Variants in CDC14A observed in about 807,000 individuals in gnomAD.
CDC14A encodes dual specificity protein phosphatase CDC14A.
A neutral mutation model predicts 74.4 loss-of-function variants in CDC14A; 53 were observed. That is an observed-to-expected ratio of 0.71 (90% confidence interval 0.57 to 0.89). The LOEUF is 0.89. CDC14A is among the 40% of genes least tolerant of loss of function. CDC14A has a pLI of 0.00. For missense variants in CDC14A, 646 were observed against 713.7 expected (o/e 0.91, Z 1.08); for synonymous variants, 247 against 258.4 (o/e 0.96, Z 0.43).
At chr1:100,389,042 G>A (rs777712336) in intron 3 of CDC14A, among the ~76,000 whole-genome samples, 5 of 151,840 alleles carry the variant, frequency 3.3e-5, no homozygotes, top group Non-Finnish European at 7.4e-5. Flanking sequence ...AGGCATGGTG[G>A]CATGTGCCTG....
At chr1:100,427,575 C>T (rs1340237563) in intron 5 of CDC14A, among the ~76,000 whole-genome samples, 2 of 152,168 alleles carry the variant, frequency 1.3e-5, no homozygotes, top group African/African-American at 4.8e-5. Context: ...TACAAGGCTA[C>T]ATACAACGTT....
intron 10 of CDC14A, among the ~76,000 whole-genome samples, chr1:100,481,998 G>A (rs893655624): frequency 6.6e-6 from 1 of 152,166 alleles, no homozygotes; most frequent in Admixed American, 6.5e-5. Flanking sequence ...AAGCACTTGC[G>A]TACAGCATTG....
rs1036404994 is a variant in CDC14A at position 100,474,425 on chromosome 1, G to C, written c.977+6331G>C. Among the ~76,000 whole-genome samples, 3 of 151,990 alleles carry C rather than the reference G, an allele frequency of 2.0e-5. No homozygotes were observed. In the East Asian group the frequency reaches 5.8e-4, roughly 29 times the overall value. On this transcript the variant is annotated intron_variant, in intron 10 of 15. Transcript: ENST00000336454. ...GCTGGTGTGAATTCTTAAAATGCTT[G>C]GTAGAATTCTCCAGTGAAATTATCT... is the stretch of plus-strand genomic sequence containing the variant.
intron 11 of CDC14A, among the ~76,000 whole-genome samples, chr1:100,488,857 A>G (rs1348930928): frequency 6.6e-6 from 1 of 152,216 alleles, no homozygotes; most frequent in African/African-American, 2.4e-5. Context: ...TCTTTCCCCC[A>G]TTATGACAGT....
intron 11 of CDC14A, among the ~76,000 whole-genome samples, chr1:100,488,408 A>G (rs1031766647): frequency 6.6e-6 from 1 of 152,184 alleles, no homozygotes; most frequent in Non-Finnish European, 1.5e-5. Flanking sequence ...CTCTGGCTCC[A>G]AAGTTTGTGC....
chr1:100,495,959 T>G (rs755346640), intron 12 of CDC14A, 43 bp from the exon 13 acceptor site: 27 of 1,562,426 alleles, frequency 1.7e-5, no homozygotes, highest in Non-Finnish European at 2.3e-5. Flanking sequence ...TGTGAAAACG[T>G]GTGCCCTGGT....
chr1:100,474,609 G>GTTTT (rs35293583), intron 10 of CDC14A, among the ~76,000 whole-genome samples: 1 of 146,264 alleles, frequency 6.8e-6, no homozygotes, highest in Non-Finnish European at 1.5e-5. Flanking sequence ...TGTGGAGTGT[G>GTTTT]TTTTTTTTTT....
chr1:100,503,375 T>G (rs997482211), intron 15 of CDC14A, among the ~76,000 whole-genome samples: 2 of 152,170 alleles, frequency 1.3e-5, no homozygotes, highest in African/African-American at 4.8e-5. Flanking sequence ...TCCCAGAACC[T>G]TTAAGAAAGA....
chr1:100,416,234 TGC>T (rs1661515532), intron 4 of CDC14A, among the ~76,000 whole-genome samples: 1 of 152,214 alleles, frequency 6.6e-6, no homozygotes, highest in African/African-American at 2.4e-5. Context: ...AACTGGTGAG[TGC>T]TTTCCTTTCC....
rs567193793 is a variant in CDC14A at position 100,412,300 on chromosome 1, G to A, written c.310-11922G>A. On this transcript the variant is annotated intron_variant, in intron 4 of 15. Transcript: ENST00000336454. ...TAACCTTTAAAGGTTTTTGTGAGGA[G>A]TACTTAAAGTGGGGGATCTCCTGGG... Among the ~76,000 whole-genome samples, 110 of 152,154 alleles carry A rather than the reference G, an allele frequency of 7.2e-4. 2 individuals carry two copies. The South Asian group carries it at 0.023, about 31-fold the overall frequency.
At chr1:100,373,788 GCTTT>G (rs747061513) in intron 2 of CDC14A, among the ~76,000 whole-genome samples, 3 of 134,354 alleles carry the variant, frequency 2.2e-5, no homozygotes, top group Admixed American at 8.0e-5. Flanking sequence ...AATCACTGCT[GCTTT>G]CTTTCTTTCT....
Position 100,484,373 on chromosome 1 carries a change from T to C in CDC14A, c.1059T>C (p.Asn353=). 6.2e-7 allele frequency: 1 copy of C among 1,608,130 alleles called. No homozygotes were observed. The highest frequency in any genetic ancestry group is 2.3e-5 in the East Asian group (1 of 44,380). Reference sequence around the variant, plus strand: ...GACCATCCAGTGAAGGAAGTATTAATAAAATTCTTTCTGGCCTAGATGATA... The same window carrying C: ...GACCATCCAGTGAAGGAAGTATTAACAAAATTCTTTCTGGCCTAGATGATA... The part of the protein sequence containing the change: ...KNRPSSEGSI[N]KILSGLDDMS... Residue 353 remains asparagine (N), a synonymous_variant, in exon 11 of 16, where the codon AAT becomes AAC. Transcript: ENST00000336454.
chr1:100,350,705 C>T (rs990533349), upstream of CDC14A, among the ~76,000 whole-genome samples: 1 of 152,144 alleles, frequency 6.6e-6, no homozygotes, highest in African/African-American at 2.4e-5. Flanking sequence ...CTATTTCTAA[C>T]GCACTTTTTA....
Position 100,420,063 on chromosome 1 carries a change from C to CACACACATATAT in CDC14A, c.310-4158_310-4157insCACACATATATA. 3.1e-4 allele frequency among the ~76,000 whole-genome samples: 19 copies of CACACACATATAT among 61,596 alleles called. 1 individual carries two copies. The highest frequency in any genetic ancestry group is 1.1e-3 in the Admixed American group (5 of 4,376). 40.4% of individuals were successfully genotyped at this position (61,596 alleles called of 152,430 possible). Reference sequence around the variant, plus strand: ...ACACACACACACACACACACACACACATATATATATATATATATAGTGTGT... The same window carrying CACACACATATAT: ...ACACACACACACACACACACACACACACACACATATATATATATATATATATATATAGTGTGT... On this transcript the variant is annotated intron_variant, in intron 4 of 15. Transcript: ENST00000336454.
intron 10 of CDC14A, among the ~76,000 whole-genome samples, chr1:100,469,609 A>G (rs1668190211): frequency 6.6e-6 from 1 of 152,144 alleles, no homozygotes; most frequent in African/African-American, 2.4e-5. Context: ...GGGTTAAAAA[A>G]CCAAATACTC....
chr1:100,506,962 G>A (rs1018736998), intron 15 of CDC14A, among the ~76,000 whole-genome samples: 4 of 152,176 alleles, frequency 2.6e-5, no homozygotes, highest in African/African-American at 9.7e-5. Flanking sequence ...GATCACTTGA[G>A]GTCAGGAGTT....
At chr1:100,454,769 A>T (rs1305206578) in intron 7 of CDC14A, among the ~76,000 whole-genome samples, 1 of 152,178 alleles carries the variant, frequency 6.6e-6, no homozygotes, top group Non-Finnish European at 1.5e-5. Flanking sequence ...TGGCTTTCCT[A>T]CAAGGTGTCT....
chr1:100,422,364 C>A (rs1378571787), intron 4 of CDC14A, among the ~76,000 whole-genome samples: 1 of 152,178 alleles, frequency 6.6e-6, no homozygotes, highest in African/African-American at 2.4e-5. Flanking sequence ...GTTGTCTAAG[C>A]TTTAATTATC....
chr1:100,451,027 A>G (rs1251310828), intron 7 of CDC14A, among the ~76,000 whole-genome samples: 3 of 152,160 alleles, frequency 2.0e-5, no homozygotes, highest in African/African-American at 7.2e-5. Flanking sequence ...ATGGCTAGCC[A>G]TCTTTCTCAG....
Sources: gnomAD v4.1 joint callset for allele counts (sites outside exome capture counted in the v4.1 genomes callset) on GRCh38, gnomAD v4.1.1 for gene constraint, MANE v1.5 for transcripts, NCBI Gene and HGNC (gene_info 2026-07-23, HGNC 2026-07-21) for gene names.